Variants in SCOC observed in about 807,000 individuals in gnomAD.
The protein encoded by SCOC is short coiled-coil protein, also known as short coiled coil protein.
SCOC carries 7 observed loss-of-function variants against 9.9 expected under a neutral mutation model. The observed-to-expected ratio is 0.71, with a 90% confidence interval of 0.40 to 1.33. The LOEUF (loss-of-function observed/expected upper bound fraction) is 1.33, where lower values mean the gene tolerates loss of function less well. SCOC is among the 40% of genes most tolerant of loss of function. The pLI, the probability that SCOC is intolerant of heterozygous loss-of-function variation, is 0.01. For missense variants in SCOC, 66 were observed against 89.7 expected (o/e 0.74, Z 1.07); for synonymous variants, 19 against 28.2 (o/e 0.67, Z 1.03).
intron 1 of SCOC, chr4:140,314,631 CT>C (rs1390827865): frequency 1.3e-5 from 2 of 152,134 alleles, no homozygotes; most frequent in Non-Finnish European, 2.9e-5. Flanking sequence ...CTCATGAATT[CT>C]TATGGAAAAT....
upstream of SCOC, among the ~76,000 whole-genome samples, chr4:140,368,730 G>A (rs886546123): frequency 1.3e-5 from 2 of 152,160 alleles, no homozygotes; most frequent in African/African-American, 4.8e-5. Flanking sequence ...GCAGGTAGGG[G>A]AATGGTGAAT....
chr4:140,310,322 C>T (rs1194953318), intron 1 of SCOC, among the ~76,000 whole-genome samples: 2 of 152,170 alleles, frequency 1.3e-5, no homozygotes, highest in Admixed American at 1.3e-4. Context: ...TGCTGCTTCT[C>T]ATCCGGGGGA....
intron 1 of SCOC, among the ~76,000 whole-genome samples, chr4:140,288,410 A>G (rs1263050507): frequency 6.6e-6 from 1 of 151,932 alleles, no homozygotes; most frequent in Non-Finnish European, 1.5e-5. Flanking sequence ...CAAATACCCC[A>G]CACAAAACAC....
At chr4:140,314,259 G>A (rs1265759440) in intron 1 of SCOC, 3 of 194,358 alleles carry the variant, frequency 1.5e-5, no homozygotes, top group Non-Finnish European at 3.4e-5. Context: ...ACTAGAAGAA[G>A]AGGGGCCCAA....
upstream of SCOC, among the ~76,000 whole-genome samples, chr4:140,339,339 TAAAAACCCTAGAA>T (rs1326640668): frequency 6.6e-6 from 1 of 151,748 alleles, no homozygotes; most frequent in Non-Finnish European, 1.5e-5. Context: ...CGTAAAACCA[TAAAAACCCTAGAA>T]GAAAACCTAG....
At chr4:140,312,313 G>A (rs1349044815) in intron 1 of SCOC, among the ~76,000 whole-genome samples, 1 of 152,142 alleles carries the variant, frequency 6.6e-6, no homozygotes, top group Non-Finnish European at 1.5e-5. Context: ...GATCAAGCTT[G>A]ATAAAAAGGA....
chr4:140,373,727 G>A lies in SCOC; in HGVS notation c.-51+10G>A. 5 of 1,544,122 alleles carry A rather than the reference G, an allele frequency of 3.2e-6. No homozygotes were observed. The highest frequency in any genetic ancestry group is 4.4e-6 in the Non-Finnish European group (5 of 1,146,278). Reference sequence around the variant, plus strand: ...GCGCCTCAAGCGGAAGGTGAGGGCCGTCCCGGGCAGCGGAGGGCCTGGCCC... The same window carrying A: ...GCGCCTCAAGCGGAAGGTGAGGGCCATCCCGGGCAGCGGAGGGCCTGGCCC... On this transcript the variant is annotated intron_variant, in intron 1 of 3. Transcript: ENST00000608372.
chr4:140,327,438 G>A (rs1732681765), intron 1 of SCOC, among the ~76,000 whole-genome samples: 1 of 151,714 alleles, frequency 6.6e-6, no homozygotes. Flanking sequence ...TTTCAATACT[G>A]AAAAAAAAAA....
At chr4:140,311,334 A>C (rs1732150680) in intron 1 of SCOC, among the ~76,000 whole-genome samples, 1 of 152,226 alleles carries the variant, frequency 6.6e-6, no homozygotes, top group Admixed American at 6.5e-5. Context: ...TTCAATTAAC[A>C]TAAACTAATA....
chr4:140,371,259 G>A (rs940145289), upstream of SCOC, among the ~76,000 whole-genome samples: 1 of 152,046 alleles, frequency 6.6e-6, no homozygotes, highest in African/African-American at 2.4e-5. Context: ...ATTAGAGATG[G>A]CTTCTCTTCT....
intron 1 of SCOC, among the ~76,000 whole-genome samples, chr4:140,265,384 T>C (rs780087255): frequency 6.6e-6 from 1 of 152,204 alleles, no homozygotes; most frequent in Non-Finnish European, 1.5e-5. Context: ...GTATATTGCA[T>C]GTATCTTCTG....
At chr4:140,325,546 C>A (rs1314764688) in intron 1 of SCOC, among the ~76,000 whole-genome samples, 2 of 152,044 alleles carry the variant, frequency 1.3e-5, no homozygotes, top group Admixed American at 6.6e-5. Context: ...ACAGATATTT[C>A]TTTAAGAAGA....
rs1246834154 is a variant in SCOC at position 140,275,815 on chromosome 4, GGTTT to G, written c.-19+18410_-19+18413del. Among the ~76,000 whole-genome samples, 5 of 143,032 alleles carry G rather than the reference GGTTT, an allele frequency of 3.5e-5. 1 individual carries two copies. Among genetic ancestry groups the G allele is most frequent in the Admixed American group, 6.7e-5 (1 of 14,832 alleles). The allele number at this position is 143,032 out of a possible 152,430, so 93.8% of individuals were successfully genotyped here. A position where few individuals can be genotyped will look rare whatever the true frequency, so the allele number is the denominator to read the frequency against. ...TCTCAGTTTCCCCTGAACTCGCTCA[GGTTT>G]GTTTTTTTTTTTTTTTTTTTTTGAG... is the stretch of plus-strand genomic sequence containing the variant. On this transcript the variant is annotated intron_variant, in intron 1 of 4. Coordinates refer to the SCOC transcript ENST00000394205.
chr4:140,372,309 G>C (rs1728090444), upstream of SCOC, among the ~76,000 whole-genome samples: 1 of 152,174 alleles, frequency 6.6e-6, no homozygotes, highest in Non-Finnish European at 1.5e-5. Context: ...TACTGTTCTA[G>C]CAAAAACAAA....
intron 2 of SCOC, among the ~76,000 whole-genome samples, chr4:140,367,145 C>T (rs1254805014): frequency 6.6e-6 from 1 of 151,894 alleles, no homozygotes; most frequent in Non-Finnish European, 1.5e-5. Flanking sequence ...GTGCAGGTTG[C>T]AGTCAGCCAA....
rs922625088 is a variant in SCOC, at chr4:140,373,652, T to C, written c.-116T>C. 23 of 1,551,392 alleles carry C rather than the reference T, an allele frequency of 1.5e-5. No individual in the cohort carries two copies. In the African/African-American group the frequency reaches 2.5e-4, roughly 17 times the overall value. On this transcript the variant is annotated 5_prime_UTR_variant, in exon 1 of 4. Coordinates refer to ENST00000608372, the MANE Select transcript of SCOC (RefSeq NM_001153484.2). ...AGTGGGCGGAGCTGCCGGGGTCAGT[T>C]GGTCCAAGTGTCCCGGCCTGAGGTG...
intron 1 of SCOC, among the ~76,000 whole-genome samples, chr4:140,307,665 G>T (rs187129956): frequency 3.9e-5 from 6 of 152,142 alleles, no homozygotes; most frequent in African/African-American, 1.4e-4. Context: ...GAGTTTCTTA[G>T]GTTTGATCTA....
intron 2 of SCOC, chr4:140,366,457 T>A (rs930583718): frequency 4.6e-5 from 71 of 1,536,582 alleles, no homozygotes; most frequent in Non-Finnish European, 6.2e-5. Context: ...TGGGAGAAGC[T>A]TTTGGAGAGC....
intron 1 of SCOC, among the ~76,000 whole-genome samples, chr4:140,323,248 T>G (rs1732551800): frequency 6.6e-6 from 1 of 152,104 alleles, no homozygotes; most frequent in Non-Finnish European, 1.5e-5. Context: ...TCCTCCTCCC[T>G]CTCTTTTTTG....
Sources: allele counts gnomAD v4.1 joint callset (sites outside exome capture counted in the v4.1 genomes callset), GRCh38; gene constraint gnomAD v4.1.1; transcripts MANE v1.5; gene names NCBI Gene and HGNC (gene_info 2026-07-23, HGNC 2026-07-21).